Variants in XKR6 observed in about 807,000 individuals in gnomAD.
XKR6 encodes XK-related protein 6.
Under a neutral mutation model 56.7 loss-of-function variants are expected in XKR6, and 22 were observed. The observed-to-expected ratio is 0.39, with a 90% CI of 0.28 to 0.55. XKR6 has a LOEUF of 0.55. Ranked by LOEUF, XKR6 falls within the 20% of genes least tolerant of loss-of-function variation. XKR6 has a pLI of 0.66. For missense variants in XKR6, 852 were observed against 889.0 expected, an observed-to-expected ratio of 0.96 and a Z score of 0.53; for synonymous variants, 524 against 387.8, an observed-to-expected ratio of 1.35 and a Z score of -4.13.
intron 1 of XKR6, among the ~76,000 whole-genome samples, chr8:11,160,074 A>C (rs1005150563): frequency 6.6e-6 from 1 of 152,214 alleles, no homozygotes; most frequent in Non-Finnish European, 1.5e-5. Context: ...GTTAAGATGC[A>C]TCATTATTTT....
chr8:10,912,310 A>G (rs1367663674), intron 2 of XKR6, among the ~76,000 whole-genome samples: 5 of 24,010 alleles, frequency 2.1e-4, no homozygotes, highest in African/African-American at 6.2e-4. Flanking sequence ...GAGGGTGTAT[A>G]TATATATATA....
At position 11,200,369 on chromosome 8, in the gene XKR6, G is replaced by A. The variant is rs564794408; in HGVS notation, c.764+207C>T. 2.7e-4 allele frequency among the ~76,000 whole-genome samples: 41 copies of A among 152,340 alleles called. No individual in the cohort carries two copies. Among genetic ancestry groups the A allele is most frequent in the Non-Finnish European group, 1.8e-4 (12 of 68,012 alleles). The stretch of plus-strand genomic sequence containing the variant: ...GAAGCGGGGACGAGGACGGGCCAAC[G>A]GCAGGTCTCGGCCTCCCCGGGCCAA... On this transcript the variant is annotated intron_variant, in intron 1 of 2. Transcript: ENST00000416569. This position sits in a 1 kb window ranked among gnomAD's most constrained non-coding sequence, Gnocchi z 6.4.
At chr8:11,131,364 T>C (rs1280133992) in intron 1 of XKR6, among the ~76,000 whole-genome samples, 1 of 152,164 alleles carries the variant, frequency 6.6e-6, no homozygotes, top group Non-Finnish European at 1.5e-5. Flanking sequence ...TGGAAAGATG[T>C]AAAATACAAG....
At chr8:11,082,420 T>A (rs1205749737) in intron 1 of XKR6, among the ~76,000 whole-genome samples, 1 of 152,196 alleles carries the variant, frequency 6.6e-6, no homozygotes, top group African/African-American at 2.4e-5. Flanking sequence ...TATTCTCCTC[T>A]CCAAAGAGGT....
chr8:11,065,119 G>C lies in XKR6; in HGVS notation c.764+135457C>G, dbSNP rs549490832. Among the ~76,000 whole-genome samples, 9 of 152,308 alleles carry C rather than the reference G, an allele frequency of 5.9e-5. No individual in the cohort carries two copies. The East Asian group carries it at 1.7e-3, about 29-fold the overall frequency. Reference sequence around the variant, plus strand: ...AAATGGGATATGTGTGTGGAAGGAAGACTGACTATAACTTTCTTTTAAAAG... The same window carrying C: ...AAATGGGATATGTGTGTGGAAGGAACACTGACTATAACTTTCTTTTAAAAG... On this transcript the variant is annotated intron_variant, in intron 1 of 2. Coordinates refer to ENST00000416569, the MANE Select transcript of XKR6 (RefSeq NM_173683.4).
rs1585051307 is a variant in XKR6, at chr8:11,201,588, G to A, written c.-249C>T. On this transcript the variant is annotated 5_prime_UTR_variant, in exon 1 of 3. Transcript: ENST00000416569. ...TCCCCAGCCCTACCCTCCCGGCCAA[G>A]ATGGCCGCCCTCCTGTGCCTCAGCT... Among the ~76,000 whole-genome samples the A allele has an allele frequency of 6.6e-6, 1 of 151,636 alleles. No individual in the cohort carries two copies. Among genetic ancestry groups the A allele is most frequent in the Non-Finnish European group, 1.5e-5 (1 of 67,856 alleles).
intron 1 of XKR6, among the ~76,000 whole-genome samples, chr8:11,148,665 T>C (rs1801115342): frequency 6.6e-6 from 1 of 152,216 alleles, no homozygotes; most frequent in African/African-American, 2.4e-5. Flanking sequence ...ATCCAGCTAT[T>C]CCACTCCTAG....
At chr8:11,016,670 C>T (rs975522703) in intron 1 of XKR6, among the ~76,000 whole-genome samples, 6 of 152,112 alleles carry the variant, frequency 3.9e-5, no homozygotes, top group Non-Finnish European at 5.9e-5. Context: ...TGACGACGCC[C>T]CAGGCCCCCG....
chr8:10,939,961 A>C (rs911054792), intron 1 of XKR6, among the ~76,000 whole-genome samples: 14 of 152,318 alleles, frequency 9.2e-5, no homozygotes, highest in African/African-American at 3.1e-4. Context: ...GAGTGTGCAC[A>C]TCGTAGCACA....
At chr8:11,009,471 T>C (rs902825998) in intron 1 of XKR6, among the ~76,000 whole-genome samples, 4 of 152,164 alleles carry the variant, frequency 2.6e-5, no homozygotes, top group African/African-American at 4.8e-5. Flanking sequence ...GATCATACCA[T>C]TGTACTCCAG....
chr8:11,103,646 G>A (rs1798569646), intron 1 of XKR6, among the ~76,000 whole-genome samples: 2 of 152,184 alleles, frequency 1.3e-5, no homozygotes, highest in South Asian at 4.1e-4. Context: ...TCCTAAGGGA[G>A]AACTTCTGAG....
chr8:10,987,692 C>A (rs1797893911), intron 1 of XKR6, among the ~76,000 whole-genome samples: 1 of 152,220 alleles, frequency 6.6e-6, no homozygotes, highest in South Asian at 2.1e-4. Flanking sequence ...ACCATGACTT[C>A]CCACTTCACC....
At chr8:11,077,789 C>T (rs143675528) in intron 1 of XKR6, among the ~76,000 whole-genome samples, 14 of 152,290 alleles carry the variant, frequency 9.2e-5, no homozygotes, top group Admixed American at 3.9e-4. Flanking sequence ...CCATGGCAAC[C>T]GCTCCAATCT....
rs1410245461 is a variant in XKR6 at position 10,911,195 on chromosome 8, TGTGC to T, written c.962-12283_962-12280del. On this transcript the variant is annotated intron_variant, in intron 2 of 2. Coordinates refer to ENST00000416569, the MANE Select transcript of XKR6 (RefSeq NM_173683.4). ...AGTATATATACATATAGAGAGAGGG[TGTGC>T]GTGTGTGTGTGTGTGTGTGTGTGTG... 2.4e-5 allele frequency among the ~76,000 whole-genome samples: 3 copies of T among 122,746 alleles called. No homozygotes were observed. In the South Asian group the frequency reaches 8.7e-4, roughly 35 times the overall value. The allele number at this position is 122,746 out of a possible 152,430, so 80.5% of individuals were successfully genotyped here.
At chr8:11,087,659 AAAG>A (rs1381435856) in intron 1 of XKR6, among the ~76,000 whole-genome samples, 1 of 152,184 alleles carries the variant, frequency 6.6e-6, no homozygotes, top group East Asian at 1.9e-4. Context: ...GGCAGAGCAA[AAAG>A]ATGGAGGGAA....
At chr8:11,120,416 T>G (rs1470062882) in intron 1 of XKR6, among the ~76,000 whole-genome samples, 1 of 152,202 alleles carries the variant, frequency 6.6e-6, no homozygotes, top group Admixed American at 6.5e-5. Flanking sequence ...AGCCAAATCA[T>G]GAGTAAACTC....
At chr8:11,154,949 C>A (rs1375127219) in intron 1 of XKR6, among the ~76,000 whole-genome samples, 1 of 152,176 alleles carries the variant, frequency 6.6e-6, no homozygotes, top group African/African-American at 2.4e-5. Flanking sequence ...GACAACATGT[C>A]TACTACTCCT....
At chr8:10,989,428 C>T (rs1797937243) in intron 1 of XKR6, among the ~76,000 whole-genome samples, 2 of 152,004 alleles carry the variant, frequency 1.3e-5, no homozygotes, top group Admixed American at 1.3e-4. Context: ...ATATGAGACC[C>T]GAGATGATTG....
At chr8:11,092,903 G>A (rs754300758) in intron 1 of XKR6, among the ~76,000 whole-genome samples, 1 of 152,204 alleles carries the variant, frequency 6.6e-6, no homozygotes, top group Non-Finnish European at 1.5e-5. Flanking sequence ...TGAGGGCCAA[G>A]GAGACCTGGA....
Sources: gnomAD v4.1 joint callset for allele counts (sites outside exome capture counted in the v4.1 genomes callset) on GRCh38, gnomAD v4.1.1 for gene constraint, Gnocchi (gnomAD v3.1) non-coding constraint, MANE v1.5 for transcripts, NCBI Gene and HGNC (gene_info 2026-07-23, HGNC 2026-07-21) for gene names.